Variants in PANX1 observed in about 807,000 individuals in gnomAD.
The protein encoded by PANX1 is pannexin 1.
A neutral mutation model predicts 38.7 loss-of-function variants in PANX1; 30 were observed. The ratio of observed to expected loss-of-function variants is 0.78; its 90% confidence interval spans 0.58 to 1.05. The LOEUF is 1.05. PANX1 is among the 50% of genes least tolerant of loss of function. The pLI is 0.00. For synonymous variants in PANX1, 230 were observed against 212.2 expected, an observed-to-expected ratio of 1.08 and a Z score of -0.73; for missense variants, 551 against 517.2, an observed-to-expected ratio of 1.07 and a Z score of -0.63.
chr11:94,176,171 A>G (rs1214405960), intron 2 of PANX1, among the ~76,000 whole-genome samples: 4 of 151,676 alleles, frequency 2.6e-5, no homozygotes, highest in Non-Finnish European at 5.9e-5. Flanking sequence ...CACTACTTCA[A>G]AGTTTCAATA....
intron 2 of PANX1, among the ~76,000 whole-genome samples, chr11:94,165,779 G>A (rs1371941488): frequency 6.6e-6 from 1 of 152,030 alleles, no homozygotes; most frequent in Admixed American, 6.5e-5. Flanking sequence ...GCATGGTGGT[G>A]CATGCCTGTA....
At chr11:94,178,098 C>T (rs1017331721) in intron 2 of PANX1, among the ~76,000 whole-genome samples, 4 of 151,968 alleles carry the variant, frequency 2.6e-5, no homozygotes, top group Admixed American at 2.6e-4. Context: ...TATTTTCCTT[C>T]TGTGATTAGA....
At chr11:94,170,902 C>A (rs1947159132) in intron 2 of PANX1, among the ~76,000 whole-genome samples, 1 of 151,738 alleles carries the variant, frequency 6.6e-6, no homozygotes, top group Non-Finnish European at 1.5e-5. Context: ...GGGGAGCCCA[C>A]TGTTGACCCA....
At position 94,178,445 on chromosome 11, in the gene PANX1, C is replaced by T; in HGVS notation, c.398C>T (p.Pro133Leu). ...PPLFWRFAAAPHICSDLKFIM... is the reference protein window; with the variant it reads ...PPLFWRFAAALHICSDLKFIM... ...CTGTTCTGGCGTTTCGCAGCTGCTC[C>T]TCATATTTGCTCAGACTTGAAGTTT... is the stretch of plus-strand genomic sequence containing the variant. The change falls in exon 3 of 5, where the codon CCT becomes CTT. Residue 133 changes from proline to leucine, a missense_variant. Transcript: ENST00000227638. 6.2e-7 allele frequency: 1 copy of T among 1,614,100 alleles called. No homozygotes were observed. Among genetic ancestry groups the T allele is most frequent in the Non-Finnish European group, 8.5e-7 (1 of 1,179,986 alleles).
At chr11:94,154,168 T>C (rs1454607716) in intron 2 of PANX1, among the ~76,000 whole-genome samples, 2 of 152,144 alleles carry the variant, frequency 1.3e-5, no homozygotes, top group Non-Finnish European at 2.9e-5. Context: ...AATGGATCCC[T>C]TTGCTTTTTG....
At chr11:94,177,060 C>T (rs1353058379) in intron 2 of PANX1, among the ~76,000 whole-genome samples, 1 of 151,744 alleles carries the variant, frequency 6.6e-6, no homozygotes, top group Non-Finnish European at 1.5e-5. Flanking sequence ...CTTCATGACA[C>T]CTCTATTCCA....
intron 2 of PANX1, among the ~76,000 whole-genome samples, chr11:94,172,035 G>A (rs550488376): frequency 6.6e-6 from 1 of 150,790 alleles, no homozygotes; most frequent in South Asian, 2.1e-4. Context: ...AGAAAAACAA[G>A]AACAAAATTA....
chr11:94,179,892 T>A lies in PANX1; in HGVS notation c.836T>A (p.Ile279Asn), dbSNP rs750424028. ...GGCATCTTCCAGTTGCTCAGTGTCA[T>A]TAACCTTGTGGTTTATGTCCTGCTG... ...AVGIFQLLSV[I>N]NLVVYVLLAP... Residue 279 changes from isoleucine to asparagine, a missense_variant, in exon 4 of 5, where the codon ATT (isoleucine) becomes AAT (asparagine). Ile to Asn is a moderately radical substitution (Grantham distance 149). Transcript: ENST00000227638. 17 of 1,614,082 alleles carry A rather than the reference T, an allele frequency of 1.1e-5. No homozygotes were observed. The highest frequency in any genetic ancestry group is 1.4e-5 in the Non-Finnish European group (16 of 1,179,988).
Position 94,168,500 on chromosome 11 carries a change from G to A in PANX1, c.322-9869G>A, listed in dbSNP as rs537357071. Among the ~76,000 whole-genome samples the A allele has an allele frequency of 2.0e-5, 3 of 151,008 alleles. No homozygotes were observed. In the East Asian group the frequency reaches 5.8e-4, roughly 29 times the overall value. On this transcript the variant is annotated intron_variant, in intron 2 of 4. Transcript: ENST00000227638. ...AGGGTTCTAATTAGGGAACAGAAAG[G>A]AAAAGAAGCAGTTTTGTCCAAGAAG...
At chr11:94,134,388 A>G (rs1415396589) in intron 1 of PANX1, among the ~76,000 whole-genome samples, 1 of 152,230 alleles carries the variant, frequency 6.6e-6, no homozygotes, top group Non-Finnish European at 1.5e-5. Context: ...GCATGATTGC[A>G]TGACGTGACC....
intron 2 of PANX1, among the ~76,000 whole-genome samples, chr11:94,177,123 A>C (rs984632956): frequency 6.6e-6 from 1 of 151,614 alleles, no homozygotes; most frequent in African/African-American, 2.4e-5. Flanking sequence ...AAAACTAACC[A>C]GATGGATGGG....
At chr11:94,171,587 G>T (rs1217647002) in intron 2 of PANX1, among the ~76,000 whole-genome samples, 1 of 151,546 alleles carries the variant, frequency 6.6e-6, no homozygotes, top group African/African-American at 2.4e-5. Context: ...CAAAGGATGG[G>T]GGATTAGAGG....
chr11:94,161,491 C>G (rs1947034095), intron 2 of PANX1, among the ~76,000 whole-genome samples: 1 of 152,190 alleles, frequency 6.6e-6, no homozygotes, highest in African/African-American at 2.4e-5. Context: ...TCACTGATAC[C>G]TTTTCTTCCA....
At chr11:94,137,610 A>T (rs1164024137) in intron 1 of PANX1, among the ~76,000 whole-genome samples, 1 of 141,860 alleles carries the variant, frequency 7.0e-6, no homozygotes, top group Non-Finnish European at 1.5e-5. Context: ...CTTGGGGAGA[A>T]GGGGGCCTAA....
chr11:94,171,221 A>T (rs1022807332), intron 2 of PANX1, among the ~76,000 whole-genome samples: 1 of 151,430 alleles, frequency 6.6e-6, no homozygotes, highest in African/African-American at 2.5e-5. Flanking sequence ...CATCTCCATC[A>T]TGAGTTCCTG....
chr11:94,148,363 A>C (rs887138840), intron 1 of PANX1, among the ~76,000 whole-genome samples: 1 of 152,224 alleles, frequency 6.6e-6, no homozygotes, highest in Non-Finnish European at 1.5e-5. Context: ...GTTGAGAACT[A>C]TAAGTATTGG....
At chr11:94,149,388 T>C (rs1419066942) in intron 1 of PANX1, among the ~76,000 whole-genome samples, 1 of 152,202 alleles carries the variant, frequency 6.6e-6, no homozygotes, top group East Asian at 1.9e-4. Flanking sequence ...CAGCACCCTA[T>C]GCTCCAGGTC....
intron 2 of PANX1, among the ~76,000 whole-genome samples, chr11:94,157,139 T>G (rs547562461): frequency 2.1e-4 from 32 of 152,288 alleles, no homozygotes; most frequent in African/African-American, 6.5e-4. Flanking sequence ...GTTGGACATT[T>G]GGGTTGGTTC....
Position 94,129,244 on chromosome 11 carries a change from A to G in PANX1, c.-69A>G. 7.1e-7 allele frequency: 1 copy of G among 1,399,300 alleles called. No individual in the cohort carries two copies. The allele number at this position is 1,399,300 out of a possible 1,614,324, so 86.7% of individuals were successfully genotyped here. On this transcript the variant is annotated 5_prime_UTR_variant, in exon 1 of 5. Transcript: ENST00000227638. The stretch of plus-strand genomic sequence containing the variant: ...GCGCGCCCGGCCGGTGACTGGGTGA[A>G]GGCGCCGCGCAGCTTTCCCGACGCC...
Sources: gnomAD v4.1 joint callset for allele counts (sites outside exome capture counted in the v4.1 genomes callset) on GRCh38, gnomAD v4.1.1 for gene constraint, MANE v1.5 for transcripts, NCBI Gene and HGNC (gene_info 2026-07-23, HGNC 2026-07-21) for gene names.